Variants in SIPA1L2 observed in about 807,000 individuals in gnomAD.
SIPA1L2 encodes the protein signal-induced proliferation-associated 1-like protein 2.
SIPA1L2 carries 56 observed loss-of-function variants against 163.9 expected under a neutral mutation model. The ratio of observed to expected loss-of-function variants is 0.34; its 90% confidence interval spans 0.28 to 0.43. SIPA1L2 has a LOEUF of 0.43. Among genes scored for constraint, SIPA1L2 ranks in the 20% least tolerant of loss-of-function variants. SIPA1L2 has a pLI of 1.00. For missense variants in SIPA1L2, 1,974 were observed against 2,193.5 expected (o/e 0.90, Z 2.00); for synonymous variants, 877 against 865.7 (o/e 1.01, Z -0.23).
intron 1 of SIPA1L2, among the ~76,000 whole-genome samples, chr1:232,617,318 AC>A (rs1287203574): frequency 2.3e-4 from 35 of 152,366 alleles, no homozygotes; most frequent in African/African-American, 8.4e-4. Context: ...GTAAGATGAG[AC>A]CCAGTGGGGA....
chr1:232,398,152 C>A lies in SIPA1L2; in HGVS notation c.*975G>T, dbSNP rs1217439718. 6.6e-6 allele frequency: 1 copy of A among 152,582 alleles called. No individual in the cohort carries two copies. The highest frequency in any genetic ancestry group is 2.4e-5 in the African/African-American group (1 of 41,432). The allele number at this position is 152,582 out of a possible 1,614,324, so 9.5% of individuals were successfully genotyped here. ...TCAGTCTCTTCTGAGCCTGCAGCTA[C>A]CTCCATCCCTCATCGTAGTGCAGGC... On this transcript the variant is annotated 3_prime_UTR_variant, in exon 23 of 23. Coordinates refer to ENST00000674635, the MANE Select transcript of SIPA1L2 (RefSeq NM_020808.5).
At chr1:232,539,760 C>A (rs1052272181) in intron 2 of SIPA1L2, among the ~76,000 whole-genome samples, 95 of 152,310 alleles carry the variant, frequency 6.2e-4, no homozygotes, top group African/African-American at 2.0e-3. Flanking sequence ...CCTCTTTCTA[C>A]CACGAGTCTG....
chr1:232,420,807 C>G (rs1232789420), intron 18 of SIPA1L2, among the ~76,000 whole-genome samples: 1 of 152,118 alleles, frequency 6.6e-6, no homozygotes, highest in Non-Finnish European at 1.5e-5. Context: ...TGCACTCCGG[C>G]CTGAGCGAAA....
chr1:232,489,112 A>T (rs897663805), intron 5 of SIPA1L2, among the ~76,000 whole-genome samples: 5 of 152,184 alleles, frequency 3.3e-5, no homozygotes, highest in Admixed American at 6.5e-5. Flanking sequence ...GGGGGACCAA[A>T]TGAGAGCTTC....
intron 3 of SIPA1L2, among the ~76,000 whole-genome samples, chr1:232,496,633 T>G (rs892151413): frequency 2.6e-5 from 4 of 151,794 alleles, no homozygotes; most frequent in African/African-American, 9.7e-5. Flanking sequence ...AACTAAGTAG[T>G]ATACTGTCAC....
intron 2 of SIPA1L2, among the ~76,000 whole-genome samples, chr1:232,530,296 A>G (rs1419654298): frequency 6.6e-6 from 1 of 151,988 alleles, no homozygotes; most frequent in Non-Finnish European, 1.5e-5. Context: ...TTGTATTTTT[A>G]GTAAAGACAG....
At chr1:232,625,860 T>G (rs1295778270) in intron 1 of SIPA1L2, among the ~76,000 whole-genome samples, 1 of 152,208 alleles carries the variant, frequency 6.6e-6, no homozygotes, top group Non-Finnish European at 1.5e-5. Context: ...GGAAGACCAC[T>G]TACAGAGATT....
chr1:232,538,765 A>T (rs577263300), intron 2 of SIPA1L2, among the ~76,000 whole-genome samples: 1 of 152,012 alleles, frequency 6.6e-6, no homozygotes, highest in African/African-American at 2.4e-5. Context: ...TGATGATCAC[A>T]TGAAGGTACA....
chr1:232,446,890 T>C (rs998035746), intron 10 of SIPA1L2, among the ~76,000 whole-genome samples: 9 of 152,236 alleles, frequency 5.9e-5, no homozygotes, highest in Non-Finnish European at 1.2e-4. Context: ...GCACCTGAAA[T>C]GGACTTGTGT....
intron 11 of SIPA1L2, among the ~76,000 whole-genome samples, chr1:232,444,757 C>T (rs1663109477): frequency 6.6e-6 from 1 of 152,208 alleles, no homozygotes; most frequent in African/African-American, 2.4e-5. Context: ...AGTACCAGGC[C>T]TATGGTTACA....
At chr1:232,549,803 T>G (rs2103130964) in intron 2 of SIPA1L2, among the ~76,000 whole-genome samples, 1 of 152,308 alleles carries the variant, frequency 6.6e-6, no homozygotes, top group East Asian at 1.9e-4. Context: ...ATTATTTTTC[T>G]TCATCATTTT....
At chr1:232,493,421 CA>C in intron 4 of SIPA1L2, 105 bp downstream of exon 4, 3 of 1,361,634 alleles carry the variant, frequency 2.2e-6, no homozygotes. Context: ...CAATCATTAA[CA>C]TTAAAAAAAA....
chr1:232,410,616 T>C (rs1660895131), intron 19 of SIPA1L2, among the ~76,000 whole-genome samples: 2 of 152,152 alleles, frequency 1.3e-5, no homozygotes, highest in Non-Finnish European at 2.9e-5. Flanking sequence ...TGTAAACTTA[T>C]TATTTTCAGG....
chr1:232,452,428 C>T (rs985169538), intron 10 of SIPA1L2, among the ~76,000 whole-genome samples: 6 of 151,892 alleles, frequency 4.0e-5, no homozygotes, highest in Admixed American at 3.3e-4. Context: ...AGTTAACAGA[C>T]ACCACGGTCA....
chr1:232,596,653 A>G (rs1439144646), intron 1 of SIPA1L2, among the ~76,000 whole-genome samples: 1 of 152,200 alleles, frequency 6.6e-6, no homozygotes, highest in Non-Finnish European at 1.5e-5. Context: ...CTTGAATTAA[A>G]TAAATACTCT....
intron 13 of SIPA1L2, 34 bp downstream of exon 13, chr1:232,441,734 C>T: frequency 6.4e-7 from 1 of 1,561,724 alleles, no homozygotes; most frequent in Non-Finnish European, 8.8e-7. Flanking sequence ...AAAGGGGGAG[C>T]AAGGGAGGTC....
chr1:232,469,178 G>A (rs958929064), intron 8 of SIPA1L2, among the ~76,000 whole-genome samples: 13 of 152,184 alleles, frequency 8.5e-5, no homozygotes, highest in African/African-American at 3.1e-4. Context: ...GTGGGTCCGC[G>A]TCAGCAAGAA....
intron 11 of SIPA1L2, among the ~76,000 whole-genome samples, chr1:232,444,021 A>G (rs989687287): frequency 2.0e-5 from 3 of 152,220 alleles, no homozygotes; most frequent in Non-Finnish European, 4.4e-5. Context: ...AGAATTATGA[A>G]AACATTACTA....
rs73092900 is a variant in SIPA1L2, at chr1:232,465,424, A to G, written c.2244-8T>C. ...GATCTGGAAACTCCAACACTGAGGA[A>G]GTAAAAACAGAAACAAAATGAGATG... is the stretch of plus-strand genomic sequence containing the variant. On this transcript the variant is annotated splice_region_variant and splice_polypyrimidine_tract_variant and intron_variant, in intron 8 of 22. Transcript: ENST00000674635. The surrounding 1 kb of genome is among the most constrained non-coding windows in gnomAD (Gnocchi z 4.1). 7.3e-4 allele frequency: 1,166 copies of G among 1,587,772 alleles called. 18 individuals carry two copies. In the African/African-American group the frequency reaches 0.014, roughly 19 times the overall value.
Sources: gnomAD v4.1 joint callset for allele counts (sites outside exome capture counted in the v4.1 genomes callset) on GRCh38, gnomAD v4.1.1 for gene constraint, Gnocchi (gnomAD v3.1) non-coding constraint, MANE v1.5 for transcripts, NCBI Gene and HGNC (gene_info 2026-07-23, HGNC 2026-07-21) for gene names.